Variants in BMPR1B observed in about 807,000 individuals in gnomAD.
The protein encoded by BMPR1B is bone morphogenetic protein receptor type 1B, also known as bone morphogenetic protein receptor type-1B.
In BMPR1B, 12 loss-of-function variants were observed where a neutral mutation model predicts 59.1. The observed-to-expected ratio is 0.20, with a 90% confidence interval of 0.13 to 0.33. BMPR1B has a LOEUF of 0.33. BMPR1B is among the 10% of genes least tolerant of loss of function. The pLI, the probability that BMPR1B is intolerant of heterozygous loss-of-function variation, is 1.00. For missense variants in BMPR1B, 550 were observed against 610.9 expected (o/e 0.90, Z 1.05); for synonymous variants, 237 against 207.3 (o/e 1.14, Z -1.23).
intron 2 of BMPR1B, among the ~76,000 whole-genome samples, chr4:94,988,783 C>A (rs769084582): frequency 3.3e-5 from 5 of 151,966 alleles, no homozygotes; most frequent in Non-Finnish European, 5.9e-5. Context: ...GAACAAAGAA[C>A]CTTAGAGTTA....
intron 1 of BMPR1B, among the ~76,000 whole-genome samples, chr4:94,833,413 C>T (rs1724679468): frequency 6.6e-6 from 1 of 152,124 alleles, no homozygotes; most frequent in African/African-American, 2.4e-5. Flanking sequence ...AAAGTAACCC[C>T]ATTATCTGGC....
At chr4:95,005,058 A>G (rs1473496022) in intron 3 of BMPR1B, among the ~76,000 whole-genome samples, 9 of 152,152 alleles carry the variant, frequency 5.9e-5, no homozygotes, top group Admixed American at 2.0e-4. Flanking sequence ...GCAAAGCACA[A>G]TGTGAGTTTA....
intron 2 of BMPR1B, among the ~76,000 whole-genome samples, chr4:94,961,299 G>A (rs530983882): frequency 2.0e-5 from 3 of 152,150 alleles, no homozygotes; most frequent in South Asian, 4.2e-4. Flanking sequence ...TTTATGTGTT[G>A]TCTAGGACAA....
intron 1 of BMPR1B, among the ~76,000 whole-genome samples, chr4:94,875,480 T>C (rs111534718): frequency 0.036 from 5,432 of 152,168 alleles, 310 homozygotes; most frequent in African/African-American, 0.12. Context: ...GTCAGGAGAT[T>C]GAGACCATCC....
At chr4:95,061,208 C>CA (rs1484135874) in intron 3 of BMPR1B, among the ~76,000 whole-genome samples, 2 of 134,514 alleles carry the variant, frequency 1.5e-5, no homozygotes, top group African/African-American at 5.3e-5. Flanking sequence ...CACACACACA[C>CA]ACCACACACC....
chr4:94,835,285 T>G (rs1724760942), intron 1 of BMPR1B, among the ~76,000 whole-genome samples: 1 of 152,302 alleles, frequency 6.6e-6, no homozygotes, highest in East Asian at 1.9e-4. Context: ...TCCTCCTGTC[T>G]TAGCCTTCCG....
At chr4:95,056,749 C>CA (rs1200415081) in intron 3 of BMPR1B, among the ~76,000 whole-genome samples, 1 of 152,166 alleles carries the variant, frequency 6.6e-6, no homozygotes, top group Non-Finnish European at 1.5e-5. Context: ...CAGCTCATCT[C>CA]ACTGCTTACT....
intron 3 of BMPR1B, among the ~76,000 whole-genome samples, chr4:95,056,817 G>A (rs1307957435): frequency 6.6e-6 from 1 of 152,114 alleles, no homozygotes; most frequent in Non-Finnish European, 1.5e-5. Context: ...AGACAAAAAT[G>A]ATCCAACCTT....
At chr4:95,038,792 C>T (rs1189558580) in intron 3 of BMPR1B, among the ~76,000 whole-genome samples, 2 of 152,084 alleles carry the variant, frequency 1.3e-5, no homozygotes, top group African/African-American at 4.8e-5. Context: ...TGAAGTGCTT[C>T]CACTGTAAAC....
intron 3 of BMPR1B, among the ~76,000 whole-genome samples, chr4:95,035,903 C>T (rs553401229): frequency 6.6e-6 from 1 of 152,138 alleles, no homozygotes; most frequent in Admixed American, 6.5e-5. Context: ...TGATTCTAGC[C>T]ATTCACCAGC....
intron 1 of BMPR1B, among the ~76,000 whole-genome samples, chr4:94,770,182 G>GTTTTTTTTTTT (rs1215939344): frequency 1.2e-3 from 48 of 39,980 alleles, no homozygotes; most frequent in East Asian, 3.6e-3. Context: ...TCGTTTCTGT[G>GTTTTTTTTTTT]TTTGTTTTTT....
At chr4:94,947,444 T>C (rs1289371509) in intron 2 of BMPR1B, among the ~76,000 whole-genome samples, 1 of 152,194 alleles carries the variant, frequency 6.6e-6, no homozygotes, top group Non-Finnish European at 1.5e-5. Context: ...CTTAAAAAAA[T>C]AGTCAGAATT....
chr4:95,091,223 A>C (rs1729955388), intron 3 of BMPR1B, among the ~76,000 whole-genome samples: 1 of 151,240 alleles, frequency 6.6e-6, no homozygotes, highest in African/African-American at 2.4e-5. Flanking sequence ...GGTCAGTGAC[A>C]TTTTTTTCAT....
At chr4:94,803,814 TG>T (rs1341432139) in intron 1 of BMPR1B, among the ~76,000 whole-genome samples, 1 of 152,164 alleles carries the variant, frequency 6.6e-6, no homozygotes, top group Non-Finnish European at 1.5e-5. Context: ...AGTAGAAGCT[TG>T]GGCCATATTT....
intron 2 of BMPR1B, among the ~76,000 whole-genome samples, chr4:94,896,477 C>T (rs1727590036): frequency 6.6e-6 from 1 of 151,692 alleles, no homozygotes; most frequent in Non-Finnish European, 1.5e-5. Flanking sequence ...CTTTTTTCAC[C>T]AGTTAATTAT....
At chr4:95,052,448 G>A (rs1466844039) in intron 3 of BMPR1B, among the ~76,000 whole-genome samples, 2 of 152,156 alleles carry the variant, frequency 1.3e-5, no homozygotes, top group South Asian at 4.1e-4. Context: ...AATATAACTG[G>A]CCGTGGCAGT....
chr4:94,937,943 C>T (rs1411295832), intron 2 of BMPR1B, among the ~76,000 whole-genome samples: 1 of 152,102 alleles, frequency 6.6e-6, no homozygotes, highest in African/African-American at 2.4e-5. Context: ...ATCTTATTTT[C>T]AGTAAATCCT....
At chr4:95,052,812 A>G (rs1194425339) in intron 3 of BMPR1B, among the ~76,000 whole-genome samples, 1 of 152,168 alleles carries the variant, frequency 6.6e-6, no homozygotes, top group Non-Finnish European at 1.5e-5. Flanking sequence ...GTTGATATGA[A>G]GGAATGATAG....
intron 6 of BMPR1B, among the ~76,000 whole-genome samples, chr4:95,118,391 C>CTAT (rs1162427374): frequency 3.1e-4 from 47 of 152,012 alleles, no homozygotes; most frequent in African/African-American, 1.1e-3. Flanking sequence ...TACTTTCTAG[C>CTAT]TATATGATTT....
Sources: gnomAD v4.1 joint callset for allele counts (sites outside exome capture counted in the v4.1 genomes callset) on GRCh38, gnomAD v4.1.1 for gene constraint, MANE v1.5 for transcripts, NCBI Gene and HGNC (gene_info 2026-07-23, HGNC 2026-07-21) for gene names.